MYCBP2: variants seen among roughly 807,000 people sequenced by gnomAD.
The protein encoded by MYCBP2 is E3 ubiquitin-protein ligase MYCBP2.
MYCBP2 carries 120 observed loss-of-function variants against 525.3 expected under a neutral mutation model. That is an observed-to-expected ratio of 0.23 (90% CI 0.20 to 0.27). MYCBP2 has a LOEUF of 0.27. Among genes scored for constraint, MYCBP2 ranks in the 10% least tolerant of loss-of-function variants. The pLI is 1.00. For missense variants in MYCBP2, 4,149 were observed against 5,657.1 expected (o/e 0.73, Z 8.55); for synonymous variants, 1,894 against 1,955.8 (o/e 0.97, Z 0.83).
intron 3 of MYCBP2, among the ~76,000 whole-genome samples, chr13:77,282,427 A>G (rs1481784734): frequency 6.6e-6 from 1 of 151,482 alleles, no homozygotes; most frequent in Non-Finnish European, 1.5e-5. Flanking sequence ...AAAAAAAAAA[A>G]GAAAGAAAGT....
chr13:77,121,237 T>C, intron 55 of MYCBP2, 136 bp downstream of exon 55: 1 of 859,632 alleles, frequency 1.2e-6, no homozygotes. Flanking sequence ...TTGTAAACAT[T>C]TTTTATTAGC....
chr13:77,142,575 C>T (rs186226715), intron 49 of MYCBP2, among the ~76,000 whole-genome samples: 2 of 152,348 alleles, frequency 1.3e-5, no homozygotes, highest in Admixed American at 6.5e-5. Flanking sequence ...GGTATTATTA[C>T]TATCTCCACC....
At chr13:77,095,306 CAA>C in intron 58 of MYCBP2, 50 bp downstream of exon 58, 1 of 1,598,008 alleles carries the variant, frequency 6.3e-7, no homozygotes, top group Non-Finnish European at 8.5e-7. Flanking sequence ...TATCAATAAA[CAA>C]TCGCTGTTAA....
intron 82 of MYCBP2, among the ~76,000 whole-genome samples, chr13:77,050,361 T>A (rs370494020): frequency 5.4e-4 from 82 of 152,278 alleles, no homozygotes; most frequent in African/African-American, 1.9e-3. Flanking sequence ...TATGTAAAAT[T>A]CTCTCCTATG....
intron 36 of MYCBP2, 60 bp downstream of exon 36, chr13:77,176,437 A>G: frequency 7.1e-7 from 1 of 1,407,036 alleles, no homozygotes. Context: ...AATACTCTTC[A>G]CTATTTTAAC....
chr13:77,169,780 G>A, intron 38 of MYCBP2, 66 bp from the exon 39 acceptor site: 1 of 1,300,108 alleles, frequency 7.7e-7, no homozygotes, highest in Non-Finnish European at 1.1e-6. Context: ...CTGCATACAT[G>A]CTGTACTAAA....
At chr13:77,077,570 T>C in intron 66 of MYCBP2, 183 bp from the exon 67 acceptor site, 1 of 662,720 alleles carries the variant, frequency 1.5e-6, no homozygotes, top group Non-Finnish European at 2.5e-6. Context: ...TTATTTATAG[T>C]AGCTATTACA....
rs574443205 is a variant in MYCBP2 at position 77,160,855 on chromosome 13, G to T, written c.6597+1051C>A. Among the ~76,000 whole-genome samples the T allele has an allele frequency of 3.0e-4, 45 of 152,234 alleles. No individual in the cohort carries two copies. The South Asian group carries it at 8.9e-3, about 30-fold the overall frequency. ...CCATTCTAAGACCTTTCCATCTGGG[G>T]CTATTAAAATGTCTTTTATTTTATA... is the stretch of plus-strand genomic sequence containing the variant. On this transcript the variant is annotated intron_variant, in intron 44 of 82. Transcript: ENST00000544440.
intron 10 of MYCBP2, 60 bp downstream of exon 10, chr13:77,263,591 T>A: frequency 6.9e-7 from 1 of 1,448,812 alleles, no homozygotes. Flanking sequence ...ATGTTCATTT[T>A]TAAGAGTATG....
chr13:77,087,884 G>T (rs977146582), intron 61 of MYCBP2: 19 of 282,594 alleles, frequency 6.7e-5, no homozygotes, highest in Admixed American at 3.8e-4. Context: ...AGGCACAAAT[G>T]ATCCTCCCAC....
intron 22 of MYCBP2, 73 bp downstream of exon 22, chr13:77,211,883 A>G (rs2064062039): frequency 8.4e-7 from 1 of 1,196,586 alleles, no homozygotes; most frequent in South Asian, 1.4e-5. Context: ...ATTTCATTAA[A>G]GGGAAAGATA....
At chr13:77,263,150 G>C (rs900936992) in intron 10 of MYCBP2, among the ~76,000 whole-genome samples, 3 of 151,946 alleles carry the variant, frequency 2.0e-5, no homozygotes, top group Non-Finnish European at 4.4e-5. Context: ...CCAAGTGAAA[G>C]ATTACTGATC....
At chr13:77,064,570 G>T in intron 73 of MYCBP2, 45 bp downstream of exon 73, 1 of 1,542,694 alleles carries the variant, frequency 6.5e-7, no homozygotes, top group South Asian at 1.2e-5. Flanking sequence ...AACACGCAAT[G>T]ATACACACCA....
intron 24 of MYCBP2, 83 bp from the exon 25 acceptor site, chr13:77,205,681 A>G (rs988116385): frequency 1.6e-5 from 18 of 1,128,948 alleles, no homozygotes; most frequent in Non-Finnish European, 2.2e-5. Flanking sequence ...TATAGGGGAT[A>G]AATTAAAATA....
intron 57 of MYCBP2, among the ~76,000 whole-genome samples, chr13:77,095,857 A>G (rs1458872013): frequency 1.3e-5 from 2 of 152,140 alleles, no homozygotes; most frequent in Non-Finnish European, 1.5e-5. Context: ...ATCTAAATGT[A>G]ATTCATTTTT....
At chr13:77,170,090 G>A (rs2058989466) in intron 38 of MYCBP2, among the ~76,000 whole-genome samples, 1 of 152,168 alleles carries the variant, frequency 6.6e-6, no homozygotes, top group East Asian at 1.9e-4. Flanking sequence ...AAACATGGCT[G>A]TATCAGTGAC....
intron 33 of MYCBP2, among the ~76,000 whole-genome samples, chr13:77,180,563 T>G (rs984162662): frequency 2.0e-5 from 3 of 152,146 alleles, no homozygotes; most frequent in African/African-American, 7.2e-5. Flanking sequence ...GAGTCCTATT[T>G]TATTCTCTTA....
At chr13:77,071,125 C>T (rs1443131013) in intron 68 of MYCBP2, among the ~76,000 whole-genome samples, 2 of 143,444 alleles carry the variant, frequency 1.4e-5, no homozygotes, top group Non-Finnish European at 3.0e-5. Flanking sequence ...GCTATCGGAA[C>T]ACCAAGTCAT....
rs777777662 is a variant in MYCBP2 at position 77,171,528 on chromosome 13, A to C, written c.5758T>G (p.Ser1920Ala). 1 of 1,614,180 alleles carries C rather than the reference A, an allele frequency of 6.2e-7. No homozygotes were observed. Among genetic ancestry groups the C allele is most frequent in the Non-Finnish European group, 8.5e-7 (1 of 1,179,998 alleles). The change falls in exon 38 of 83, where the codon TCT (serine) becomes GCT (alanine). Residue 1920 changes from serine to alanine, a missense_variant. Ser to Ala is a moderately conservative substitution (Grantham distance 99, BLOSUM62 1). Coordinates refer to ENST00000544440, the MANE Select transcript of MYCBP2 (RefSeq NM_015057.5). ...AGAGCTCTGTGCAGGAGGTCCTTAG[A>C]GGCTCGAACGACAGTGCTTACAACA... is the stretch of plus-strand genomic sequence containing the variant. ...LSVVSTVVRA[S>A]KDLLHRALAV...
Sources: allele counts gnomAD v4.1 joint callset (sites outside exome capture counted in the v4.1 genomes callset), GRCh38; gene constraint gnomAD v4.1.1; transcripts MANE v1.5; gene names NCBI Gene and HGNC (gene_info 2026-07-23, HGNC 2026-07-21).